The following BEND7 variants were observed in gnomAD, a reference collection of about 807,000 sequenced individuals.
BEND7 encodes BEN domain-containing protein 7.
BEND7 carries 28 observed loss-of-function variants against 50.9 expected under a neutral mutation model. The observed-to-expected ratio is 0.55, with a 90% CI of 0.41 to 0.75. The LOEUF is 0.75. Ranked by LOEUF, BEND7 falls within the 30% of genes least tolerant of loss-of-function variation. The probability of loss-of-function intolerance (pLI) is 0.00; values close to 1 mark genes in which losing one functional copy is unlikely to be tolerated. For missense variants in BEND7, 477 were observed against 491.3 expected, an observed-to-expected ratio of 0.97 and a Z score of 0.28; for synonymous variants, 170 against 183.9, an observed-to-expected ratio of 0.92 and a Z score of 0.61.
intron 6 of BEND7, among the ~76,000 whole-genome samples, chr10:13,456,707 T>G (rs1839048548): frequency 6.6e-6 from 1 of 152,200 alleles, no homozygotes; most frequent in South Asian, 2.1e-4. Flanking sequence ...TCTTCATCTC[T>G]TTTGTCTCCC....
rs148187676 is a variant in BEND7 at position 13,442,134 on chromosome 10, C to T, written c.1235-384G>A. On this transcript the variant is annotated intron_variant, in intron 8 of 8. Transcript: ENST00000466271. Reference sequence around the variant, plus strand: ...CGGGTTCTAGGCAGGGCCCCAGCCACGGAGGGGTTAACGGGCTCTGGGCAA... The same window carrying T: ...CGGGTTCTAGGCAGGGCCCCAGCCATGGAGGGGTTAACGGGCTCTGGGCAA... 1.3e-3 allele frequency: 262 copies of T among 197,974 alleles called. 7 individuals carry two copies. The South Asian group carries it at 0.025, about 19-fold the overall frequency. The allele number at this position is 197,974 out of a possible 1,614,324, so 12.3% of individuals were successfully genotyped here. A position where few individuals can be genotyped will look rare whatever the true frequency, so the allele number is the denominator to read the frequency against.
intron 6 of BEND7, among the ~76,000 whole-genome samples, chr10:13,466,859 G>C (rs1321066725): frequency 3.3e-5 from 5 of 152,138 alleles, no homozygotes; most frequent in Non-Finnish European, 7.3e-5. Flanking sequence ...TCCATGAGGC[G>C]CTGAGTTTAC....
Position 13,441,730 on chromosome 10 carries a change from T to C in BEND7, c.*13A>G. ...GTGCAAAAAACACAAGAGCTGTGGTTTGCAGTCCTTCATCAGACCACTTGA... is the reference window on the plus strand; with the variant it reads ...GTGCAAAAAACACAAGAGCTGTGGTCTGCAGTCCTTCATCAGACCACTTGA... On this transcript the variant is annotated 3_prime_UTR_variant, in exon 9 of 9. Transcript: ENST00000466271. The C allele has an allele frequency of 6.2e-7, 1 of 1,614,036 alleles. No homozygotes were observed. Among genetic ancestry groups the C allele is most frequent in the Non-Finnish European group, 8.5e-7 (1 of 1,179,958 alleles).
chr10:13,510,210 CAATA>C (rs1317207684), intron 2 of BEND7, among the ~76,000 whole-genome samples: 1 of 152,022 alleles, frequency 6.6e-6, no homozygotes, highest in Non-Finnish European at 1.5e-5. Flanking sequence ...AAAAAATGAT[CAATA>C]AATATTTTAA....
intron 2 of BEND7, 67 bp downstream of exon 2, chr10:13,526,071 C>G (rs2079443509): frequency 1.2e-6 from 1 of 848,402 alleles, no homozygotes; most frequent in Admixed American, 2.9e-5. Flanking sequence ...GAACAATTTC[C>G]TTTTTTCCCC....
upstream of BEND7, among the ~76,000 whole-genome samples, chr10:13,529,210 C>G (rs1308493081): frequency 6.8e-6 from 1 of 146,260 alleles, no homozygotes; most frequent in East Asian, 2.0e-4. Context: ...GGCCCGGGCC[C>G]GGCCGGCCTG....
At position 13,452,637 on chromosome 10, in the gene BEND7, G is replaced by A; in HGVS notation, c.1085C>T (p.Thr362Ile). 1 of 1,606,394 alleles carries A rather than the reference G, an allele frequency of 6.2e-7. No homozygotes were observed. The highest frequency in any genetic ancestry group is 8.5e-7 in the Non-Finnish European group (1 of 1,176,460). ...AIKVFTEKYCTANHVDKLPGP... is the reference protein window; with the variant it reads ...AIKVFTEKYCIANHVDKLPGP... ...AGGAAGCTTATCCACATGGTTAGCT[G>A]TACAGTACTTTTCTGTGAAGACTGA... The change falls in exon 7 of 9, where the codon ACA becomes ATA. Residue 362 changes from threonine (T) to isoleucine (I), a missense_variant. By Grantham distance (89) the Thr-to-Ile change is moderately conservative. Transcript: ENST00000466271.
chr10:13,447,174 G>T, intron 8 of BEND7, 92 bp downstream of exon 8: 2 of 1,349,984 alleles, frequency 1.5e-6, no homozygotes, highest in Non-Finnish European at 2.1e-6. Context: ...TCAAGTGTCT[G>T]CATGTCTAAT....
intron 3 of BEND7, among the ~76,000 whole-genome samples, chr10:13,499,157 T>C (rs2077252509): frequency 6.6e-6 from 1 of 152,318 alleles, no homozygotes. Flanking sequence ...TTTTTCTCCT[T>C]AAGCTTTGAA....
chr10:13,499,780 T>C lies in BEND7; in HGVS notation c.446A>G (p.Asn149Ser), dbSNP rs541291726. Residue 149 changes from asparagine to serine, a missense_variant and splice_region_variant, in exon 3 of 9, where the codon AAT (asparagine) becomes AGT (serine). Asn to Ser is a conservative substitution (Grantham distance 46). Coordinates refer to ENST00000466271, the MANE Select transcript of BEND7 (RefSeq NM_001369863.1). ...TGAATGTTTGTTGACAACCATACCA[T>C]TGGAGCTCGTGGTAGGGTGGGGCTG... ...QSQPHPTTSS[N>S]GELPVVNSSA... 5.6e-5 allele frequency: 90 copies of C among 1,602,680 alleles called. 1 individual carries two copies. In the South Asian group the frequency reaches 9.2e-4, roughly 16 times the overall value.
intron 2 of BEND7, among the ~76,000 whole-genome samples, chr10:13,521,496 C>T (rs186034713): frequency 1.8e-4 from 27 of 152,300 alleles, no homozygotes; most frequent in African/African-American, 6.0e-4. Flanking sequence ...CCATTCATTC[C>T]ACCACCAAAA....
At chr10:13,526,803 T>C (rs1471463875) in intron 1 of BEND7, among the ~76,000 whole-genome samples, 4 of 152,194 alleles carry the variant, frequency 2.6e-5, no homozygotes, top group Non-Finnish European at 5.9e-5. Flanking sequence ...TTATTTAATA[T>C]GCAAGTTTAT....
intron 6 of BEND7, among the ~76,000 whole-genome samples, chr10:13,479,436 A>AT (rs1222260514): frequency 6.6e-6 from 1 of 152,204 alleles, no homozygotes; most frequent in Admixed American, 6.5e-5. Flanking sequence ...TTCTACTGTC[A>AT]TTAAAATGGA....
intron 4 of BEND7, among the ~76,000 whole-genome samples, chr10:13,494,840 T>C (rs769629118): frequency 9.2e-5 from 14 of 152,258 alleles, no homozygotes; most frequent in Non-Finnish European, 1.8e-4. Flanking sequence ...GGTGAAACTT[T>C]CTAAATGTAA....
At chr10:13,452,412 C>A in intron 7 of BEND7, 127 bp downstream of exon 7, 2 of 1,026,378 alleles carry the variant, frequency 1.9e-6, no homozygotes, top group South Asian at 2.1e-5. Flanking sequence ...AGCAAATCAG[C>A]ATATTATAAA....
chr10:13,452,642 G>A lies in BEND7; in HGVS notation c.1080C>T (p.Tyr360=). Residue 360 remains tyrosine (Y), a synonymous_variant, in exon 7 of 9, where the codon TAC becomes TAT. Transcript: ENST00000466271. ...GCTTATCCACATGGTTAGCTGTACA[G>A]TACTTTTCTGTGAAGACTGAAAGAA... ...VGAIKVFTEK[Y]CTANHVDKLP... is the part of the protein sequence containing the mutation. 1 of 1,599,080 alleles carries A rather than the reference G, an allele frequency of 6.3e-7. No homozygotes were observed. Among genetic ancestry groups the A allele is most frequent in the Non-Finnish European group, 8.5e-7 (1 of 1,173,306 alleles).
chr10:13,458,227 G>C (rs750873410), intron 6 of BEND7, among the ~76,000 whole-genome samples: 5 of 152,214 alleles, frequency 3.3e-5, no homozygotes, highest in Non-Finnish European at 7.3e-5. Flanking sequence ...GCTGGTGGCT[G>C]GGCAAACCCT....
chr10:13,472,168 C>T (rs370882688), intron 6 of BEND7, among the ~76,000 whole-genome samples: 25 of 152,054 alleles, frequency 1.6e-4, no homozygotes, highest in Admixed American at 5.2e-4. Flanking sequence ...TACTCGTCAT[C>T]GCTGTTACAC....
chr10:13,448,258 T>G (rs1235087908), intron 7 of BEND7, among the ~76,000 whole-genome samples: 1 of 152,178 alleles, frequency 6.6e-6, no homozygotes, highest in Non-Finnish European at 1.5e-5. Flanking sequence ...TGACAAGGGA[T>G]GGGCTTGTTA....
Sources: gnomAD v4.1 joint callset for allele counts (sites outside exome capture counted in the v4.1 genomes callset) on GRCh38, gnomAD v4.1.1 for gene constraint, MANE v1.5 for transcripts, NCBI Gene and HGNC (gene_info 2026-07-23, HGNC 2026-07-21) for gene names.